The following ASIC2 variants were observed in gnomAD, a reference collection of about 807,000 sequenced individuals.
The protein encoded by ASIC2 is acid-sensing ion channel 2.
Under a neutral mutation model 57.3 loss-of-function variants are expected in ASIC2, and 25 were observed. That is an observed-to-expected ratio of 0.44 (90% CI 0.32 to 0.61). ASIC2 has a LOEUF of 0.61. Ranked by LOEUF, ASIC2 falls within the 20% of genes least tolerant of loss-of-function variation. ASIC2 has a pLI of 0.06. For synonymous variants in ASIC2, 319 were observed against 307.5 expected (o/e 1.04, Z -0.39); for missense variants, 641 against 738.1 (o/e 0.87, Z 1.52).
chr17:33,481,444 T>G (rs6505346), intron 1 of ASIC2, among the ~76,000 whole-genome samples: 1 of 152,232 alleles, frequency 6.6e-6, no homozygotes, highest in Admixed American at 6.5e-5. Context: ...TTTTCACCTT[T>G]GTCTTTGTTG....
intron 1 of ASIC2, among the ~76,000 whole-genome samples, chr17:33,879,915 A>G (rs1914657143): frequency 6.6e-6 from 1 of 152,232 alleles, no homozygotes; most frequent in Non-Finnish European, 1.5e-5. Flanking sequence ...CTCTCAGACC[A>G]CAGTGCAATC....
chr17:33,732,804 A>G (rs999688698), intron 1 of ASIC2, among the ~76,000 whole-genome samples: 8 of 152,080 alleles, frequency 5.3e-5, no homozygotes, highest in African/African-American at 1.9e-4. Context: ...AGCCTGGCTA[A>G]TATTTGTAAT....
chr17:33,041,928 C>A (rs2091931727), intron 3 of ASIC2, among the ~76,000 whole-genome samples: 2 of 152,192 alleles, frequency 1.3e-5, no homozygotes, highest in African/African-American at 4.8e-5. Context: ...TGAGGTCCCC[C>A]TGTTTCTAAC....
chr17:33,952,263 A>C (rs539049798), intron 1 of ASIC2, among the ~76,000 whole-genome samples: 24 of 152,264 alleles, frequency 1.6e-4, no homozygotes, highest in African/African-American at 5.8e-4. Context: ...TATCAAATCA[A>C]AAAGGTGGGG....
chr17:33,560,627 A>G (rs1057023579), intron 1 of ASIC2, among the ~76,000 whole-genome samples: 1 of 152,190 alleles, frequency 6.6e-6, no homozygotes, highest in Non-Finnish European at 1.5e-5. Context: ...TCCAAAATAT[A>G]GTTTCAAAAC....
At chr17:34,111,241 T>C (rs12943117) in intron 1 of ASIC2, among the ~76,000 whole-genome samples, 5 of 147,162 alleles carry the variant, frequency 3.4e-5, no homozygotes, top group African/African-American at 1.3e-4. Context: ...AACATATATA[T>C]ACACACATAT....
rs150700379 is a variant in ASIC2 at position 34,094,220 on chromosome 17, G to A, written c.555+61758C>T. Among the ~76,000 whole-genome samples, 262 of 152,310 alleles carry A rather than the reference G, an allele frequency of 1.7e-3. 1 individual carries two copies. Among genetic ancestry groups the A allele is most frequent in the African/African-American group, 6.2e-3 (257 of 41,564 alleles). On this transcript the variant is annotated intron_variant, in intron 1 of 9. Coordinates refer to the ASIC2 transcript ENST00000359872. Reference sequence around the variant, plus strand: ...GACAAAAACCACAGAGATGGATAAAGAGGAGTTGCAATCAATCCTTCCACT... The same window carrying A: ...GACAAAAACCACAGAGATGGATAAAAAGGAGTTGCAATCAATCCTTCCACT...
At chr17:33,570,384 T>A (rs1326317958) in intron 1 of ASIC2, among the ~76,000 whole-genome samples, 1 of 152,224 alleles carries the variant, frequency 6.6e-6, no homozygotes, top group Non-Finnish European at 1.5e-5. Context: ...CCTGGGCACC[T>A]GTGAGGCTCT....
chr17:33,364,486 T>A (rs1458256838), intron 1 of ASIC2, among the ~76,000 whole-genome samples: 1 of 152,220 alleles, frequency 6.6e-6, no homozygotes, highest in Non-Finnish European at 1.5e-5. Flanking sequence ...AGGGACCTGG[T>A]GAGAGGTGAT....
chr17:33,794,207 G>A (rs1226764750), intron 1 of ASIC2: 1 of 152,190 alleles, frequency 6.6e-6, no homozygotes, highest in Non-Finnish European at 1.5e-5. Flanking sequence ...AGAGGGCATG[G>A]TTTCTTGGGC....
chr17:34,023,354 TTCTCTC>T (rs371665567), intron 1 of ASIC2, among the ~76,000 whole-genome samples: 3 of 135,644 alleles, frequency 2.2e-5, no homozygotes, highest in Admixed American at 7.7e-5. Context: ...CTGTTTCTCT[TTCTCTC>T]TCTCTCTCTC....
intron 1 of ASIC2, among the ~76,000 whole-genome samples, chr17:33,822,918 T>G (rs945073411): frequency 7.9e-5 from 12 of 152,234 alleles, no homozygotes; most frequent in South Asian, 2.1e-4. Flanking sequence ...TAGTTTTAGA[T>G]TTTTAAGCAT....
intron 1 of ASIC2, among the ~76,000 whole-genome samples, chr17:33,496,681 G>A (rs1012171745): frequency 1.2e-4 from 15 of 128,660 alleles, no homozygotes; most frequent in South Asian, 8.2e-4. Flanking sequence ...GCAGTGATGC[G>A]AACTCAGCTC....
intron 1 of ASIC2, among the ~76,000 whole-genome samples, chr17:33,585,941 G>A (rs754860186): frequency 8.5e-5 from 13 of 152,162 alleles, no homozygotes; most frequent in Non-Finnish European, 1.3e-4. Flanking sequence ...CCTTTTTGGA[G>A]CGTAGTGCCA....
intron 1 of ASIC2, among the ~76,000 whole-genome samples, chr17:33,154,258 A>G (rs1904911370): frequency 6.6e-6 from 1 of 152,202 alleles, no homozygotes; most frequent in African/African-American, 2.4e-5. Flanking sequence ...ATCATAGCTT[A>G]CTGCAACCTC....
chr17:33,292,011 GGCAGCCGCCAACGCC>G lies in ASIC2; in HGVS notation c.90_104del (p.Ala31_Ala35del). 1 of 1,219,782 alleles carries G rather than the reference GGCAGCCGCCAACGCC, an allele frequency of 8.2e-7. No homozygotes were observed. Among genetic ancestry groups the G allele is most frequent in the Middle Eastern group, 3.3e-4 (1 of 3,076 alleles). The allele number at this position is 1,219,782 out of a possible 1,614,324, so 75.6% of individuals were successfully genotyped here. A position where few individuals can be genotyped will look rare whatever the true frequency, so the allele number is the denominator to read the frequency against. On this transcript the variant is annotated inframe_deletion, in exon 1 of 10. Transcript: ENST00000225823. ...CGCCTCTGCCGCCCCCGGGCTGCCCGGCAGCCGCCAACGCCGCGGGCGCCGGCTCCTCGCGGGCCA... is the reference window on the plus strand; with the variant it reads ...CGCCTCTGCCGCCCCCGGGCTGCCCGGCGGGCGCCGGCTCCTCGCGGGCCA...
At chr17:33,995,372 TC>T (rs1223803270) in intron 1 of ASIC2, among the ~76,000 whole-genome samples, 7 of 152,062 alleles carry the variant, frequency 4.6e-5, no homozygotes, top group African/African-American at 7.2e-5. Context: ...AAGGAGAGTC[TC>T]CCCTGTCCAT....
At chr17:33,030,640 G>A (rs1356611897) in intron 3 of ASIC2, among the ~76,000 whole-genome samples, 4 of 152,026 alleles carry the variant, frequency 2.6e-5, no homozygotes, top group Non-Finnish European at 5.9e-5. Context: ...TAATATATTA[G>A]GAATATATTT....
chr17:33,163,948 G>T (rs769879919), intron 1 of ASIC2, among the ~76,000 whole-genome samples: 4 of 152,166 alleles, frequency 2.6e-5, no homozygotes, highest in Non-Finnish European at 5.9e-5. Context: ...GAGGTGGGAG[G>T]ATCCTTGAGT....
Sources: allele counts gnomAD v4.1 joint callset (sites outside exome capture counted in the v4.1 genomes callset), GRCh38; gene constraint gnomAD v4.1.1; transcripts MANE v1.5; gene names NCBI Gene and HGNC (gene_info 2026-07-23, HGNC 2026-07-21).